SNX29: variants seen among roughly 807,000 people sequenced by gnomAD.
SNX29 encodes the protein sorting nexin 29, also known as sorting nexin-29.
In SNX29, 78 loss-of-function variants were observed where a neutral mutation model predicts 102.1. The ratio of observed to expected loss-of-function variants is 0.76; its 90% CI spans 0.64 to 0.92. The LOEUF is 0.92. SNX29 is among the 40% of genes least tolerant of loss of function. The probability of loss-of-function intolerance (pLI) is 0.00; values close to 1 mark genes in which losing one functional copy is unlikely to be tolerated. For missense variants in SNX29, 1,280 were observed against 1,061.7 expected, an observed-to-expected ratio of 1.21 and a Z score of -2.86; for synonymous variants, 580 against 414.5, an observed-to-expected ratio of 1.40 and a Z score of -4.85.
intron 18 of SNX29, among the ~76,000 whole-genome samples, chr16:12,453,548 A>ATT (rs879538406): frequency 7.0e-4 from 103 of 146,546 alleles, no homozygotes; most frequent in African/African-American, 2.4e-3. Context: ...GGGCTCAGTA[A>ATT]TTTTTTTTTT....
chr16:12,222,797 G>T (rs1028703627), intron 14 of SNX29, among the ~76,000 whole-genome samples: 1 of 152,148 alleles, frequency 6.6e-6, no homozygotes. Context: ...TCAAACTCCC[G>T]ACCTCAGGTG....
intron 13 of SNX29, among the ~76,000 whole-genome samples, chr16:12,167,652 C>T (rs1435652900): frequency 1.3e-5 from 2 of 152,102 alleles, no homozygotes; most frequent in Non-Finnish European, 2.9e-5. Flanking sequence ...TTCTTTTAAT[C>T]CTCCCAATGA....
intron 15 of SNX29, among the ~76,000 whole-genome samples, chr16:12,345,549 T>TG (rs2081771111): frequency 6.6e-6 from 1 of 152,244 alleles, no homozygotes. Flanking sequence ...AGAGCCTTTA[T>TG]GTCATACATG....
At chr16:12,459,058 C>G (rs1261296177) in intron 18 of SNX29, among the ~76,000 whole-genome samples, 5 of 105,294 alleles carry the variant, frequency 4.7e-5, no homozygotes, top group Non-Finnish European at 7.5e-5. Context: ...CTGTCTTCTT[C>G]CCCCACCTCC....
At chr16:12,533,684 C>G (rs943998765) in intron 20 of SNX29, among the ~76,000 whole-genome samples, 4 of 152,154 alleles carry the variant, frequency 2.6e-5, no homozygotes, top group African/African-American at 9.7e-5. Flanking sequence ...CCAAATTTAC[C>G]TCTGTCGACT....
intron 20 of SNX29, among the ~76,000 whole-genome samples, chr16:12,540,142 T>G (rs79475411): frequency 3.8e-4 from 58 of 151,570 alleles, no homozygotes; most frequent in African/African-American, 1.3e-3. Flanking sequence ...CAAAGTTTTA[T>G]AGCTTTACAT....
At chr16:12,225,289 G>A (rs1001529712) in intron 14 of SNX29, among the ~76,000 whole-genome samples, 5 of 152,000 alleles carry the variant, frequency 3.3e-5, no homozygotes, top group Non-Finnish European at 7.4e-5. Flanking sequence ...ATCTGGTAAC[G>A]GCTTGGCTGT....
At chr16:12,265,534 G>T (rs1318032070) in intron 14 of SNX29, among the ~76,000 whole-genome samples, 5 of 151,998 alleles carry the variant, frequency 3.3e-5, no homozygotes, top group African/African-American at 1.2e-4. Flanking sequence ...TAAAAAGAGG[G>T]CAGGCTCTCA....
Position 12,573,430 on chromosome 16 carries a change from TTAA to T in SNX29, c.*4805_*4807del, listed in dbSNP as rs569644681. The T allele has an allele frequency of 5.5e-4, 123 of 223,808 alleles. 1 individual carries two copies. Among genetic ancestry groups the T allele is most frequent in the African/African-American group, 2.2e-3 (97 of 44,954 alleles). The allele number at this position is 223,808 out of a possible 1,614,324, so 13.9% of individuals were successfully genotyped here. A position where few individuals can be genotyped will look rare whatever the true frequency, so the allele number is the denominator to read the frequency against. On this transcript the variant is annotated 3_prime_UTR_variant, in exon 21 of 21. Transcript: ENST00000566228. ...GAAGTGAAAAAGAAATCTGGCTTCC[TTAA>T]TAAGATAGTTGAGCCTATGACATTA...
At chr16:12,093,299 A>ATTT (rs2151415542) in intron 11 of SNX29, among the ~76,000 whole-genome samples, 1 of 152,304 alleles carries the variant, frequency 6.6e-6, no homozygotes, top group Admixed American at 6.5e-5. Flanking sequence ...GGTCAGGCAG[A>ATTT]CCACAGCACT....
intron 13 of SNX29, among the ~76,000 whole-genome samples, chr16:12,189,339 C>T (rs900798605): frequency 6.6e-6 from 1 of 152,222 alleles, no homozygotes; most frequent in South Asian, 2.1e-4. Context: ...ATTTTCATGT[C>T]TGTTCGGGCT....
At chr16:12,460,268 A>C (rs933891807) in intron 18 of SNX29, among the ~76,000 whole-genome samples, 2 of 152,128 alleles carry the variant, frequency 1.3e-5, no homozygotes, top group African/African-American at 4.8e-5. Context: ...AGAGGGGGAA[A>C]CCCTAAAACT....
Position 12,477,774 on chromosome 16 carries a change from T to C in SNX29, c.2093T>C (p.Phe698Ser). The C allele has an allele frequency of 2.5e-6, 4 of 1,613,452 alleles. No individual in the cohort carries two copies. The highest frequency in any genetic ancestry group is 3.4e-6 in the Non-Finnish European group (4 of 1,179,734). Residue 698 changes from phenylalanine to serine, a missense_variant, in exon 19 of 21, where the codon TTC becomes TCC. Physicochemically the swap from Phe to Ser is radical, Grantham distance 155. Coordinates refer to ENST00000566228, the MANE Select transcript of SNX29 (RefSeq NM_032167.5). ...AATATTTATCGCCGGTATACAGAGT[T>C]CAGGAGTTTGCACCACAAGTTACAA... ...EWNIYRRYTEFRSLHHKLQNK... is the reference protein window; with the variant it reads ...EWNIYRRYTESRSLHHKLQNK...
At chr16:12,218,171 A>AT (rs553515277) in intron 14 of SNX29, among the ~76,000 whole-genome samples, 2 of 152,240 alleles carry the variant, frequency 1.3e-5, no homozygotes, top group Non-Finnish European at 2.9e-5. Flanking sequence ...TCATACTTTG[A>AT]TTTTTTAAAT....
At chr16:12,530,311 C>T (rs210720) in intron 20 of SNX29, among the ~76,000 whole-genome samples, 2 of 151,872 alleles carry the variant, frequency 1.3e-5, no homozygotes, top group Non-Finnish European at 2.9e-5. Context: ...TACCAACAGA[C>T]AGGGAGCCTC....
At chr16:12,226,943 G>A (rs1258251406) in intron 14 of SNX29, among the ~76,000 whole-genome samples, 1 of 152,114 alleles carries the variant, frequency 6.6e-6, no homozygotes, top group Non-Finnish European at 1.5e-5. Context: ...ATCTTCAGGC[G>A]GCAGGGTCTG....
rs1364156092 is a variant in SNX29, at chr16:12,046,386, C to G, written c.431C>G (p.Thr144Ser). Residue 144 changes from threonine to serine, a missense_variant and splice_region_variant, in exon 6 of 21, where the codon ACT becomes AGT. By Grantham distance (58) the Thr-to-Ser change is moderately conservative. Coordinates refer to ENST00000566228, the MANE Select transcript of SNX29 (RefSeq NM_032167.5). Reference protein sequence around the residue: ...MLLADRCRLSTFYEDWSFVMD... With the variant: ...MLLADRCRLSSFYEDWSFVMD... Reference sequence around the variant, plus strand: ...TCCTTTTCTCTTTCAATCTGCAGCACTTTTTATGAAGACTGGTCTTTTGTG... The same window carrying G: ...TCCTTTTCTCTTTCAATCTGCAGCAGTTTTTATGAAGACTGGTCTTTTGTG... The G allele has an allele frequency of 6.2e-7, 1 of 1,613,634 alleles. No individual in the cohort carries two copies. Among genetic ancestry groups the G allele is most frequent in the Non-Finnish European group, 8.5e-7 (1 of 1,179,632 alleles).
At chr16:12,020,875 C>A (rs1023760094) in intron 3 of SNX29, among the ~76,000 whole-genome samples, 1 of 152,178 alleles carries the variant, frequency 6.6e-6, no homozygotes, top group African/African-American at 2.4e-5. Flanking sequence ...CCTCCCATCT[C>A]GGCCTCCCAA....
At chr16:12,226,302 C>A (rs1420712506) in intron 14 of SNX29, among the ~76,000 whole-genome samples, 2 of 152,212 alleles carry the variant, frequency 1.3e-5, no homozygotes, top group Non-Finnish European at 2.9e-5. Flanking sequence ...GCATGAATCA[C>A]CTCCCTGCAA....
Sources: allele counts gnomAD v4.1 joint callset (sites outside exome capture counted in the v4.1 genomes callset), GRCh38; gene constraint gnomAD v4.1.1; transcripts MANE v1.5; gene names NCBI Gene and HGNC (gene_info 2026-07-23, HGNC 2026-07-21).